The following ZNG1A variants were observed in gnomAD, a reference collection of about 807,000 sequenced individuals.
ZNG1A encodes Zn regulated GTPase metalloprotein activator 1A, also known as zinc-regulated GTPase metalloprotein activator 1A.
chr9:170,869 TTCTC>T, the ZNG1A span, among the ~76,000 whole-genome samples: 1 of 146,126 alleles, frequency 6.8e-6, no homozygotes, highest in East Asian at 2.0e-4. Context: ...TATAAAAGCT[TTCTC>T]TGTGATCTTT....
At chr9:168,841 G>C in the ZNG1A span, among the ~76,000 whole-genome samples, 16 of 150,910 alleles carry the variant, frequency 1.1e-4, no homozygotes, top group Non-Finnish European at 2.4e-4. Flanking sequence ...TTTAGTTTAA[G>C]CCCACCATTG....
At chr9:175,221 T>C in the ZNG1A span, among the ~76,000 whole-genome samples, 1 of 151,954 alleles carries the variant, frequency 6.6e-6, no homozygotes, top group Admixed American at 6.5e-5. Context: ...CTACTAAAAA[T>C]ACAAAAATTA....
the ZNG1A span, among the ~76,000 whole-genome samples, chr9:140,704 G>A: frequency 1.3e-5 from 2 of 152,012 alleles, no homozygotes; most frequent in East Asian, 1.9e-4. Flanking sequence ...TGACTTTGAC[G>A]AGCTGAGAGA....
At chr9:177,809 G>C in the ZNG1A span, 1 of 1,484,240 alleles carries the variant, frequency 6.7e-7, no homozygotes, top group Non-Finnish European at 9.1e-7. Context: ...CAGCAGAGCA[G>C]CCTCTGAATA....
At chr9:150,547 T>C in the ZNG1A span, 9 of 982,136 alleles carry the variant, frequency 9.2e-6, no homozygotes, top group Middle Eastern at 5.2e-4. Flanking sequence ...CTGATCTTCA[T>C]TGAAAAGGAT....
chr9:175,315 T>G, the ZNG1A span, among the ~76,000 whole-genome samples: 5 of 151,600 alleles, frequency 3.3e-5, no homozygotes, highest in Non-Finnish European at 5.9e-5. Context: ...GAGACAGAGG[T>G]GGCAGTGAGC....
At chr9:147,263 C>G in the ZNG1A span, 2 of 133,322 alleles carry the variant, frequency 1.5e-5, no homozygotes, top group Admixed American at 7.3e-5. Flanking sequence ...AAGAAAATGA[C>G]AAATGTATAA....
chr9:154,704 C>G, the ZNG1A span: 331 of 1,591,372 alleles, frequency 2.1e-4, no homozygotes, highest in African/African-American at 3.5e-3. Flanking sequence ...CTTATCATTT[C>G]GTACCTAATT....
At chr9:135,184 TAGAG>T in the ZNG1A span, among the ~76,000 whole-genome samples, 3 of 150,514 alleles carry the variant, frequency 2.0e-5, no homozygotes, top group Non-Finnish European at 4.4e-5. Flanking sequence ...CAAATTCCAA[TAGAG>T]AAAAGCTGGC....
the ZNG1A span, chr9:161,629 C>A: frequency 7.8e-7 from 1 of 1,286,054 alleles, no homozygotes; most frequent in Non-Finnish European, 1.0e-6. Context: ...TGATTTCATT[C>A]TTTTCTGCCT....
At chr9:177,153 T>C in the ZNG1A span, among the ~76,000 whole-genome samples, 3 of 152,152 alleles carry the variant, frequency 2.0e-5, no homozygotes, top group African/African-American at 4.8e-5. Flanking sequence ...GAAGTAACAT[T>C]AGTTCATTGT....
chr9:154,262 A>G, the ZNG1A span: 1 of 180,432 alleles, frequency 5.5e-6, no homozygotes, highest in Non-Finnish European at 1.1e-5. Context: ...GGGGGGAGAG[A>G]CAGAATAGGC....
the ZNG1A span, among the ~76,000 whole-genome samples, chr9:127,122 T>A: frequency 6.6e-6 from 1 of 152,228 alleles, no homozygotes; most frequent in South Asian, 2.1e-4. Context: ...TTACAGAAAG[T>A]TCATGTGCTG....
At chr9:129,910 C>G in the ZNG1A span, among the ~76,000 whole-genome samples, 561 of 150,270 alleles carry the variant, frequency 3.7e-3, 28 homozygotes, top group African/African-American at 0.014. Context: ...CATGATAGTG[C>G]ACTTACACAA....
At chr9:131,386 T>G in the ZNG1A span, among the ~76,000 whole-genome samples, 1 of 150,350 alleles carries the variant, frequency 6.7e-6, no homozygotes, top group East Asian at 1.9e-4. Flanking sequence ...TTTCTCCATT[T>G]TCTACTTTTT....
At chr9:151,044 A>G in the ZNG1A span, 1 of 984,324 alleles carries the variant, frequency 1.0e-6, no homozygotes, top group Non-Finnish European at 1.2e-6. Flanking sequence ...GGAATGGCTC[A>G]TAGTATAAGT....
At chr9:137,532 G>A in the ZNG1A span, among the ~76,000 whole-genome samples, 1 of 152,162 alleles carries the variant, frequency 6.6e-6, no homozygotes, top group African/African-American at 2.4e-5. Context: ...AGGGATCATG[G>A]CTAACTAGTG....
the ZNG1A span, among the ~76,000 whole-genome samples, chr9:144,388 G>A: frequency 2.0e-5 from 3 of 149,158 alleles, no homozygotes; most frequent in Admixed American, 6.7e-5. Flanking sequence ...CAGAAATAAC[G>A]CCGCATATCT....
At chr9:161,064 G>C in the ZNG1A span, among the ~76,000 whole-genome samples, 1 of 150,802 alleles carries the variant, frequency 6.6e-6, no homozygotes, top group Non-Finnish European at 1.5e-5. Flanking sequence ...CTCTATCAAC[G>C]AGGGAGAGAA....
Sources: gnomAD v4.1 joint callset for allele counts (sites outside exome capture counted in the v4.1 genomes callset) on GRCh38, gnomAD v4.1.1 for gene constraint, MANE v1.5 for transcripts, NCBI Gene and HGNC (gene_info 2026-07-23, HGNC 2026-07-21) for gene names.